Variants in GRIK4 observed in about 807,000 individuals in gnomAD.
The protein encoded by GRIK4 is glutamate ionotropic receptor kainate type subunit 4.
A neutral mutation model predicts 104.9 loss-of-function variants in GRIK4; 40 were observed. The observed-to-expected ratio is 0.38, with a 90% CI of 0.30 to 0.50. GRIK4 has a LOEUF of 0.50. Among genes scored for constraint, GRIK4 ranks in the 20% least tolerant of loss-of-function variants. GRIK4 has a pLI of 0.93. For synonymous variants in GRIK4, 485 were observed against 524.9 expected, an observed-to-expected ratio of 0.92 and a Z score of 1.04; for missense variants, 1,047 against 1,308.1, an observed-to-expected ratio of 0.80 and a Z score of 3.08.
intron 2 of GRIK4, among the ~76,000 whole-genome samples, chr11:120,657,010 G>A (rs1017413218): frequency 3.9e-5 from 6 of 152,136 alleles, no homozygotes; most frequent in African/African-American, 1.4e-4. Context: ...TAATAATTAT[G>A]GTGCAGCATG....
Position 120,889,714 on chromosome 11 carries a change from C to T in GRIK4, c.1165-8818C>T, listed in dbSNP as rs1173025102. 2.8e-5 allele frequency among the ~76,000 whole-genome samples: 4 copies of T among 143,710 alleles called. No homozygotes were observed. The East Asian group carries it at 6.4e-4, about 23-fold the overall frequency. 94.3% of individuals were successfully genotyped at this position (143,710 alleles called of 152,430 possible). A position where few individuals can be genotyped will look rare whatever the true frequency, so the allele number is the denominator to read the frequency against. On this transcript the variant is annotated intron_variant, in intron 11 of 20. Coordinates refer to ENST00000527524, the MANE Select transcript of GRIK4 (RefSeq NM_014619.5). Reference sequence around the variant, plus strand: ...CTGACTCCTGGGTTCCAGTGATTCTCCTGCCTCAGCCTCCGGAGTAGTTAT... The same window carrying T: ...CTGACTCCTGGGTTCCAGTGATTCTTCTGCCTCAGCCTCCGGAGTAGTTAT...
In GRIK4 at chr11:120,952,322, G is replaced by A. The variant is rs940702219; in HGVS notation, c.1591-533G>A. ...GCTTTGGCTTCTTCACTTGTAAAAT[G>A]AGAATAATAATTTGTGCCTCCCAGG... On this transcript the variant is annotated intron_variant, in intron 14 of 20. Transcript: ENST00000527524. The surrounding 1 kb of genome is among the most constrained non-coding windows in gnomAD (Gnocchi z 5.2). 1.3e-5 allele frequency among the ~76,000 whole-genome samples: 2 copies of A among 152,186 alleles called. No individual in the cohort carries two copies. Among genetic ancestry groups the A allele is most frequent in the African/African-American group, 4.8e-5 (2 of 41,450 alleles).
At chr11:120,613,254 G>T (rs1949060819) in intron 1 of GRIK4, among the ~76,000 whole-genome samples, 2 of 152,290 alleles carry the variant, frequency 1.3e-5, no homozygotes, top group African/African-American at 4.8e-5. Flanking sequence ...CTTGTGTGGG[G>T]TATCATAATA....
chr11:120,779,840 A>G (rs571779344), intron 3 of GRIK4, among the ~76,000 whole-genome samples: 1 of 152,352 alleles, frequency 6.6e-6, no homozygotes. Context: ...GATTTACTTT[A>G]TAGAACATTC....
chr11:120,656,045 C>T (rs934780887), intron 2 of GRIK4, among the ~76,000 whole-genome samples: 3 of 152,126 alleles, frequency 2.0e-5, no homozygotes, highest in African/African-American at 7.2e-5. Flanking sequence ...GGGTAATGGT[C>T]GTGGAAAGAG....
At chr11:120,715,756 G>A (rs189795304) in intron 3 of GRIK4, among the ~76,000 whole-genome samples, 111 of 152,288 alleles carry the variant, frequency 7.3e-4, no homozygotes, top group Non-Finnish European at 1.2e-3. Flanking sequence ...CGCCACACCC[G>A]CTCCCTTTTG....
intron 3 of GRIK4, among the ~76,000 whole-genome samples, chr11:120,758,916 G>A (rs1405164988): frequency 1.3e-5 from 2 of 152,290 alleles, no homozygotes; most frequent in East Asian, 3.9e-4. Flanking sequence ...CTAGGCACTG[G>A]GGATACAGTA....
intron 1 of GRIK4, among the ~76,000 whole-genome samples, chr11:120,526,318 C>T (rs1336211913): frequency 6.6e-6 from 1 of 152,132 alleles, no homozygotes; most frequent in Non-Finnish European, 1.5e-5. Flanking sequence ...CCCGCCCTCT[C>T]ACCCCAGTAG....
intron 15 of GRIK4, among the ~76,000 whole-genome samples, chr11:120,954,756 C>T (rs1244263653): frequency 6.7e-6 from 1 of 149,882 alleles, no homozygotes; most frequent in Non-Finnish European, 1.5e-5. Context: ...TGCTAAAGGG[C>T]TAACCATACG....
At chr11:120,547,445 G>A (rs1480092511) in intron 1 of GRIK4, among the ~76,000 whole-genome samples, 1 of 152,166 alleles carries the variant, frequency 6.6e-6, no homozygotes, top group Non-Finnish European at 1.5e-5. Context: ...TTTAGACTCT[G>A]GTCGGCGGTG....
rs776440015 is a variant in GRIK4, at chr11:120,889,588, C to CTTTT, written c.1165-8944_1165-8943insTTTT. On this transcript the variant is annotated intron_variant, in intron 11 of 20. Coordinates refer to ENST00000527524, the MANE Select transcript of GRIK4 (RefSeq NM_014619.5). The stretch of plus-strand genomic sequence containing the variant: ...AATAGAATAAAATAGAAAGAGCTTA[C>CTTTT]ATTTTTTTTTTTTTTTTTTTTTTTT... 1.5e-3 allele frequency among the ~76,000 whole-genome samples: 102 copies of CTTTT among 67,128 alleles called. 7 individuals are homozygous for CTTTT. The highest frequency in any genetic ancestry group is 4.2e-3 in the African/African-American group (79 of 18,854). 44.0% of individuals were successfully genotyped at this position (67,128 alleles called of 152,430 possible). A position where few individuals can be genotyped will look rare whatever the true frequency, so the allele number is the denominator to read the frequency against.
chr11:120,865,707 GA>G (rs145575118), intron 9 of GRIK4, among the ~76,000 whole-genome samples: 5,270 of 151,998 alleles, frequency 0.035, 281 homozygotes, highest in African/African-American at 0.12. Flanking sequence ...CCTTTTAGAG[GA>G]AAAAAAATGC....
At chr11:120,749,821 G>A (rs1443311017) in intron 3 of GRIK4, among the ~76,000 whole-genome samples, 2 of 152,128 alleles carry the variant, frequency 1.3e-5, no homozygotes, top group Non-Finnish European at 2.9e-5. Flanking sequence ...GCGGGGGGAA[G>A]TTTCAGAATC....
chr11:120,892,925 G>T (rs932574559), intron 11 of GRIK4, among the ~76,000 whole-genome samples: 3 of 152,194 alleles, frequency 2.0e-5, no homozygotes, highest in Non-Finnish European at 4.4e-5. Flanking sequence ...AGAGACAGCA[G>T]TCGTAATAGG....
At chr11:120,691,125 G>A (rs185173865) in intron 3 of GRIK4, among the ~76,000 whole-genome samples, 1 of 152,326 alleles carries the variant, frequency 6.6e-6, no homozygotes, top group East Asian at 1.9e-4. Context: ...AGTGTTTGCT[G>A]CTTTCTCTCT....
chr11:120,715,499 T>C (rs1950813825), intron 3 of GRIK4, among the ~76,000 whole-genome samples: 1 of 152,162 alleles, frequency 6.6e-6, no homozygotes, highest in African/African-American at 2.4e-5. Flanking sequence ...GCCTAAAGTG[T>C]GTTCCACCCC....
chr11:120,838,954 T>G (rs1295425433), intron 8 of GRIK4, among the ~76,000 whole-genome samples: 6 of 152,080 alleles, frequency 3.9e-5, no homozygotes, highest in Non-Finnish European at 8.8e-5. Context: ...GCCTCGCTAA[T>G]TTTTGTATTT....
At chr11:120,710,446 G>GGCC (rs1313112163) in intron 3 of GRIK4, among the ~76,000 whole-genome samples, 1 of 152,148 alleles carries the variant, frequency 6.6e-6, no homozygotes, top group Non-Finnish European at 1.5e-5. Context: ...CGACGGCACT[G>GGCC]ACTCACTCTG....
intron 9 of GRIK4, among the ~76,000 whole-genome samples, chr11:120,866,419 G>A (rs549943468): frequency 1.3e-5 from 2 of 152,160 alleles, no homozygotes; most frequent in African/African-American, 4.8e-5. Context: ...ATGGAGCAGG[G>A]GTCCCGTGCT....
Sources: gnomAD v4.1 joint callset for allele counts (sites outside exome capture counted in the v4.1 genomes callset) on GRCh38, gnomAD v4.1.1 for gene constraint, Gnocchi (gnomAD v3.1) non-coding constraint, MANE v1.5 for transcripts, NCBI Gene and HGNC (gene_info 2026-07-23, HGNC 2026-07-21) for gene names.